SLC39A8: variants seen among roughly 807,000 people sequenced by gnomAD.
SLC39A8 encodes metal cation symporter ZIP8.
In SLC39A8, 15 loss-of-function variants were observed where a neutral mutation model predicts 40.4. The observed-to-expected ratio is 0.37, with a 90% CI of 0.25 to 0.57. The LOEUF (loss-of-function observed/expected upper bound fraction) is 0.57, where lower values mean the gene tolerates loss of function less well. Ranked by LOEUF, SLC39A8 falls within the 20% of genes least tolerant of loss-of-function variation. SLC39A8 has a pLI of 0.75. For missense variants in SLC39A8, 472 were observed against 558.8 expected, an observed-to-expected ratio of 0.84 and a Z score of 1.57; for synonymous variants, 223 against 221.6, an observed-to-expected ratio of 1.01 and a Z score of -0.06.
At chr4:102,318,693 C>T (rs1163585090) in intron 2 of SLC39A8, among the ~76,000 whole-genome samples, 4 of 152,154 alleles carry the variant, frequency 2.6e-5, no homozygotes, top group Non-Finnish European at 5.9e-5. Flanking sequence ...CAAGCACACC[C>T]TTTCACCTCC....
At chr4:102,261,616 A>G (rs982320232), downstream of SLC39A8, 4 of 759,884 alleles carry the variant, frequency 5.3e-6, no homozygotes, top group African/African-American at 5.7e-5. Context: ...TACCAGATAC[A>G]TGGTAGTCAC....
At chr4:102,261,172 G>A (rs575605859), downstream of SLC39A8, among the ~76,000 whole-genome samples, 5 of 152,278 alleles carry the variant, frequency 3.3e-5, no homozygotes, top group South Asian at 4.1e-4. Context: ...CTCTTGTACC[G>A]TAATGGACCT....
At chr4:102,338,139 T>G (rs1193248037) in intron 2 of SLC39A8, among the ~76,000 whole-genome samples, 1 of 152,046 alleles carries the variant, frequency 6.6e-6, no homozygotes. Flanking sequence ...TCGTGATTAC[T>G]GCAGCTTTGC....
intron 2 of SLC39A8, among the ~76,000 whole-genome samples, chr4:102,328,657 G>A (rs371897253): frequency 1.3e-5 from 2 of 152,224 alleles, no homozygotes; most frequent in Non-Finnish European, 2.9e-5. Context: ...TGGGCATAGC[G>A]GAGGCTTTCC....
chr4:102,276,248 TAAAG>T (rs1732611054), intron 6 of SLC39A8, among the ~76,000 whole-genome samples: 1 of 151,708 alleles, frequency 6.6e-6, no homozygotes, highest in Admixed American at 6.6e-5. Flanking sequence ...GCCAGACTAA[TAAAG>T]AAGAAAAGAG....
intron 6 of SLC39A8, among the ~76,000 whole-genome samples, chr4:102,268,597 A>T (rs1732212424): frequency 1.3e-5 from 2 of 152,216 alleles, no homozygotes; most frequent in African/African-American, 4.8e-5. Context: ...AAATGAAGAC[A>T]TTGTACTAAA....
chr4:102,334,317 G>A (rs1326217893), intron 2 of SLC39A8, among the ~76,000 whole-genome samples: 8 of 152,272 alleles, frequency 5.3e-5, no homozygotes, highest in African/African-American at 1.9e-4. Context: ...AAAAATCTGG[G>A]GACTTTGTCT....
chr4:102,306,072 T>C (rs1221317291), intron 4 of SLC39A8, among the ~76,000 whole-genome samples: 1 of 151,950 alleles, frequency 6.6e-6, no homozygotes, highest in African/African-American at 2.4e-5. Context: ...GTTATGAAAA[T>C]AAAGTGAAAT....
chr4:102,285,353 C>A (rs1733118754), intron 6 of SLC39A8, among the ~76,000 whole-genome samples: 1 of 142,402 alleles, frequency 7.0e-6, no homozygotes, highest in South Asian at 2.3e-4. Context: ...GAATTGAGAG[C>A]CTTAGAATGG....
At chr4:102,329,003 G>A (rs1479660804) in intron 2 of SLC39A8, among the ~76,000 whole-genome samples, 1 of 151,384 alleles carries the variant, frequency 6.6e-6, no homozygotes, top group Non-Finnish European at 1.5e-5. Flanking sequence ...ACTCCAGCTT[G>A]GGTGACAGAG....
chr4:102,338,548 T>G (rs1050018948), intron 2 of SLC39A8, among the ~76,000 whole-genome samples: 5 of 152,162 alleles, frequency 3.3e-5, no homozygotes, highest in Non-Finnish European at 7.3e-5. Context: ...CATCGTAGCC[T>G]CCACAGCTCT....
intron 2 of SLC39A8, chr4:102,324,244 A>G: frequency 2.7e-6 from 1 of 363,664 alleles, no homozygotes; most frequent in Non-Finnish European, 5.6e-6. Context: ...AAAATATAAA[A>G]ATTACCTGAG....
chr4:102,338,779 T>C (rs1735789548), intron 2 of SLC39A8, among the ~76,000 whole-genome samples: 1 of 152,208 alleles, frequency 6.6e-6, no homozygotes, highest in Non-Finnish European at 1.5e-5. Flanking sequence ...TTAACCTCTC[T>C]GTGCCACATT....
intron 3 of SLC39A8, among the ~76,000 whole-genome samples, chr4:102,311,729 T>C (rs1734434417): frequency 6.6e-6 from 1 of 152,048 alleles, no homozygotes; most frequent in Non-Finnish European, 1.5e-5. Context: ...TGAAATACTT[T>C]CAAAAATAAA....
chr4:102,258,109 T>TG (rs1361833545), downstream of SLC39A8, among the ~76,000 whole-genome samples: 31 of 150,952 alleles, frequency 2.1e-4, 2 homozygotes, highest in African/African-American at 7.7e-4. Flanking sequence ...TTTTTGTTTT[T>TG]TGTTTTTTTT....
intron 2 of SLC39A8, among the ~76,000 whole-genome samples, chr4:102,329,303 A>G (rs956474166): frequency 6.6e-6 from 1 of 152,146 alleles, no homozygotes; most frequent in Non-Finnish European, 1.5e-5. Flanking sequence ...ATGTGAGGAT[A>G]GTGACATGCT....
At position 102,271,566 on chromosome 4, in the gene SLC39A8, C is replaced by T. The variant is rs1261019768; in HGVS notation, c.841-3487G>A. Among the ~76,000 whole-genome samples, 11 of 152,252 alleles carry T rather than the reference C, an allele frequency of 7.2e-5. No individual in the cohort carries two copies. In the East Asian group the frequency reaches 1.4e-3, roughly 19 times the overall value. On this transcript the variant is annotated intron_variant, in intron 6 of 8. Coordinates refer to ENST00000356736, the MANE Select transcript of SLC39A8 (RefSeq NM_001135146.2). ...AAAAGCCAAGGCTGATGCTGAGCCC[C>T]CAAAAAGCTATCACTGTCCAACAGG...
rs896264071 is a variant in SLC39A8 at position 102,306,075 on chromosome 4, A to C, written c.553-964T>G. Among the ~76,000 whole-genome samples the C allele has an allele frequency of 3.3e-5, 5 of 152,076 alleles. No individual in the cohort carries two copies. The South Asian group carries it at 8.3e-4, about 25-fold the overall frequency. On this transcript the variant is annotated intron_variant, in intron 4 of 8. Coordinates refer to ENST00000356736, the MANE Select transcript of SLC39A8 (RefSeq NM_001135146.2). Reference sequence around the variant, plus strand: ...CCTAACATTGAGGTTATGAAAATAAAGTGAAATAAGAAAAGGAAAATCATT... The same window carrying C: ...CCTAACATTGAGGTTATGAAAATAACGTGAAATAAGAAAAGGAAAATCATT...
At chr4:102,267,419 G>T in intron 8 of SLC39A8, 71 bp downstream of exon 8, 1 of 1,407,652 alleles carries the variant, frequency 7.1e-7, no homozygotes, top group Non-Finnish European at 9.5e-7. Context: ...GCCACCCTTA[G>T]TTAACTTATA....
Sources: allele counts gnomAD v4.1 joint callset (sites outside exome capture counted in the v4.1 genomes callset), GRCh38; gene constraint gnomAD v4.1.1; transcripts MANE v1.5; gene names NCBI Gene and HGNC (gene_info 2026-07-23, HGNC 2026-07-21).